CPT1A: variants seen among roughly 807,000 people sequenced by gnomAD.
The protein encoded by CPT1A is carnitine palmitoyltransferase 1A.
Under a neutral mutation model 100.8 loss-of-function variants are expected in CPT1A, and 64 were observed. That is an observed-to-expected ratio of 0.63 (90% confidence interval 0.52 to 0.78). The LOEUF (loss-of-function observed/expected upper bound fraction) is 0.78. Among genes scored for constraint, CPT1A ranks in the 30% least tolerant of loss-of-function variants. CPT1A has a pLI of 0.00. For synonymous variants in CPT1A, 363 were observed against 396.0 expected, an observed-to-expected ratio of 0.92 and a Z score of 0.99; for missense variants, 802 against 1,034.1, an observed-to-expected ratio of 0.78 and a Z score of 3.08.
intron 1 of CPT1A, among the ~76,000 whole-genome samples, chr11:68,821,775 A>G (rs1856591070): frequency 6.6e-6 from 1 of 152,106 alleles, no homozygotes; most frequent in African/African-American, 2.4e-5. Context: ...GAGCCTGAGG[A>G]TACAAAGCTG....
At chr11:68,800,682 T>C (rs1234340428) in intron 5 of CPT1A, among the ~76,000 whole-genome samples, 1 of 151,814 alleles carries the variant, frequency 6.6e-6, no homozygotes, top group Non-Finnish European at 1.5e-5. Context: ...AGTAAAACTG[T>C]TGCTAACCCC....
intron 1 of CPT1A, among the ~76,000 whole-genome samples, chr11:68,833,191 G>A (rs531603352): frequency 9.8e-5 from 15 of 152,310 alleles, no homozygotes; most frequent in African/African-American, 3.6e-4. Context: ...GGAAGTACCA[G>A]GAAGGCTCTG....
intron 14 of CPT1A, among the ~76,000 whole-genome samples, chr11:68,772,404 C>T (rs1363684169): frequency 2.0e-5 from 3 of 152,056 alleles, no homozygotes; most frequent in East Asian, 3.9e-4. Context: ...ACTTGTGCTG[C>T]CCCCAGAAAC....
intron 14 of CPT1A, among the ~76,000 whole-genome samples, chr11:68,765,935 G>A (rs1048796685): frequency 2.0e-5 from 3 of 151,596 alleles, no homozygotes; most frequent in African/African-American, 7.3e-5. Flanking sequence ...GCAGTGGTGT[G>A]ATCTTGGCTT....
intron 12 of CPT1A, among the ~76,000 whole-genome samples, chr11:68,777,753 T>A (rs1855178352): frequency 6.6e-6 from 1 of 152,262 alleles, no homozygotes; most frequent in Non-Finnish European, 1.5e-5. Context: ...GTACCCTGTG[T>A]GATCCAGCTG....
chr11:68,792,261 C>T (rs911899872), intron 9 of CPT1A, among the ~76,000 whole-genome samples: 6 of 152,080 alleles, frequency 3.9e-5, no homozygotes, highest in East Asian at 3.9e-4. Flanking sequence ...GGCGTGAACT[C>T]GGGAGGTGGA....
chr11:68,836,268 G>A (rs1441793216), intron 1 of CPT1A, among the ~76,000 whole-genome samples: 1 of 152,142 alleles, frequency 6.6e-6, no homozygotes, highest in Non-Finnish European at 1.5e-5. Context: ...TTAAGGCCAG[G>A]AGTTCAAGAC....
intron 13 of CPT1A, 181 bp from the exon 14 acceptor site, chr11:68,773,610 G>T: frequency 9.2e-7 from 1 of 1,091,438 alleles, no homozygotes; most frequent in East Asian, 2.7e-5. Context: ...GACCCCGGAG[G>T]AGCAGCTGCA....
At position 68,780,686 on chromosome 11, in the gene CPT1A, G is replaced by C. The variant is rs1337803356; in HGVS notation, c.1412C>G (p.Ala471Gly). ...CGGCGCATCTGCCCAGGAGTGTTCA[G>C]CGTTGAGGCCCATCTTCCCGTTTTT... The part of the protein sequence containing the change: ...VFKNGKMGLN[A>G]EHSWADAPIV... The change falls in exon 12 of 19, where the codon GCT becomes GGT. Residue 471 changes from alanine to glycine, a missense_variant. Transcript: ENST00000265641. 1 of 1,614,224 alleles carries C rather than the reference G, an allele frequency of 6.2e-7. No homozygotes were observed. Among genetic ancestry groups the C allele is most frequent in the South Asian group, 1.1e-5 (1 of 91,080 alleles).
chr11:68,757,855 T>TGGCAGATCTAA, intron 18 of CPT1A, 125 bp from the exon 19 acceptor site: 1 of 806,820 alleles, frequency 1.2e-6, no homozygotes, highest in South Asian at 1.4e-5. Context: ...CTCTAAGATC[T>TGGCAGATCTAA]GACCAACGTC....
chr11:68,797,034 T>C, intron 6 of CPT1A, 101 bp from the exon 7 acceptor site: 1 of 1,154,286 alleles, frequency 8.7e-7, no homozygotes, highest in Non-Finnish European at 1.3e-6. Context: ...GCAGTGCTTT[T>C]GGCAGACATT....
At chr11:68,761,411 AC>A in intron 16 of CPT1A, 123 bp downstream of exon 16, 1 of 1,096,302 alleles carries the variant, frequency 9.1e-7, no homozygotes, top group South Asian at 1.3e-5. Flanking sequence ...TGACAGCTAC[AC>A]CCACAGACCC....
At chr11:68,822,981 G>T (rs1371034627) in intron 1 of CPT1A, among the ~76,000 whole-genome samples, 1 of 152,130 alleles carries the variant, frequency 6.6e-6, no homozygotes, top group Non-Finnish European at 1.5e-5. Context: ...ATCTTCTTAG[G>T]GTGATGAAAA....
At chr11:68,780,782 A>G (rs1249232907) in intron 11 of CPT1A, 37 bp from the exon 12 acceptor site, 6 of 1,527,146 alleles carry the variant, frequency 3.9e-6, no homozygotes, top group Non-Finnish European at 5.5e-6. Flanking sequence ...TTAAGTGTTT[A>G]AAGAGGCAAC....
intron 9 of CPT1A, among the ~76,000 whole-genome samples, chr11:68,789,670 G>A (rs1247491607): frequency 1.3e-5 from 2 of 152,144 alleles, no homozygotes; most frequent in African/African-American, 4.8e-5. Context: ...CCAAAGTGCT[G>A]GGATTACAGG....
intron 1 of CPT1A, among the ~76,000 whole-genome samples, chr11:68,819,457 T>C (rs1856521622): frequency 1.3e-5 from 2 of 152,196 alleles, no homozygotes; most frequent in Admixed American, 6.5e-5. Context: ...AAGAGGACTC[T>C]GCAAAGCATG....
At chr11:68,839,683 C>T in intron 1 of CPT1A, 1 of 985,518 alleles carries the variant, frequency 1.0e-6, no homozygotes, top group Non-Finnish European at 1.2e-6. Flanking sequence ...CAGGGCGCGT[C>T]TAAAAGGGGC....
chr11:68,756,111 T>TCAA lies in CPT1A; in HGVS notation c.*1530_*1532dup, dbSNP rs1555225891. The TCAA allele has an allele frequency of 1.2e-4, 1 of 8,250 alleles. No individual in the cohort carries two copies. The highest frequency in any genetic ancestry group is 6.7e-4 in the African/African-American group (1 of 1,488). 0.5% of individuals were successfully genotyped at this position (8,250 alleles called of 1,614,324 possible). Reference sequence around the variant, plus strand: ...TGGGCAACAAGAGTGAAACTCCATCTCAAAAAAAAAAAAAAAAAAAAAGGC... The same window carrying TCAA: ...TGGGCAACAAGAGTGAAACTCCATCTCAACAAAAAAAAAAAAAAAAAAAAAGGC... On this transcript the variant is annotated 3_prime_UTR_variant, in exon 19 of 19. Coordinates refer to ENST00000265641, the MANE Select transcript of CPT1A (RefSeq NM_001876.4).
At chr11:68,826,821 A>G (rs1460463267) in intron 1 of CPT1A, among the ~76,000 whole-genome samples, 1 of 152,164 alleles carries the variant, frequency 6.6e-6, no homozygotes. Flanking sequence ...CTCAAAGTAA[A>G]TCGGGTCTGC....
Sources: gnomAD v4.1 joint callset for allele counts (sites outside exome capture counted in the v4.1 genomes callset) on GRCh38, gnomAD v4.1.1 for gene constraint, MANE v1.5 for transcripts, NCBI Gene and HGNC (gene_info 2026-07-23, HGNC 2026-07-21) for gene names.